Variants in ANK2 observed in about 807,000 individuals in gnomAD.
ANK2 encodes ankyrin 2, also known as ankyrin-2.
In ANK2, 83 loss-of-function variants were observed where a neutral mutation model predicts 360.5. That is an observed-to-expected ratio of 0.23 (90% CI 0.19 to 0.28). ANK2 has a LOEUF of 0.28. Ranked by LOEUF, ANK2 falls within the 10% of genes least tolerant of loss-of-function variation. The pLI, the probability that ANK2 is intolerant of heterozygous loss-of-function variation, is 1.00. For synonymous variants in ANK2, 1,740 were observed against 1,759.5 expected, an observed-to-expected ratio of 0.99 and a Z score of 0.28; for missense variants, 4,201 against 4,795.7, an observed-to-expected ratio of 0.88 and a Z score of 3.66.
rs1298037479 is a variant in ANK2 at position 112,876,509 on chromosome 4, G to C, written c.-39-27946G>C. Among the ~76,000 whole-genome samples the C allele has an allele frequency of 2.6e-5, 4 of 152,246 alleles. No individual in the cohort carries two copies. The East Asian group carries it at 5.8e-4, about 22-fold the overall frequency. On this transcript the variant is annotated intron_variant, in intron 1 of 30. Coordinates refer to the ANK2 transcript ENST00000503271. ...AAAAAAGAAGTATGTGTGGAATGTAGGGCACAGGTATAGGCTCTAACTTTG... is the reference window on the plus strand; with the variant it reads ...AAAAAAGAAGTATGTGTGGAATGTACGGCACAGGTATAGGCTCTAACTTTG...
At chr4:113,197,033 T>A (rs1367748517) in intron 3 of ANK2, among the ~76,000 whole-genome samples, 1 of 152,250 alleles carries the variant, frequency 6.6e-6, no homozygotes, top group Non-Finnish European at 1.5e-5. Context: ...GAGATTAACA[T>A]AATCCTTTGT....
chr4:113,154,374 T>A (rs1220694425), intron 1 of ANK2, among the ~76,000 whole-genome samples: 1 of 152,208 alleles, frequency 6.6e-6, no homozygotes, highest in Non-Finnish European at 1.5e-5. Context: ...GTCCCCAAAT[T>A]TTTGAAAAGT....
chr4:112,966,899 A>C (rs1383999264), intron 2 of ANK2, among the ~76,000 whole-genome samples: 1 of 152,152 alleles, frequency 6.6e-6, no homozygotes, highest in East Asian at 1.9e-4. Flanking sequence ...TTTCAGCTTG[A>C]GCGAGCACTG....
chr4:112,991,094 T>C (rs1332658993), intron 2 of ANK2, among the ~76,000 whole-genome samples: 1 of 151,812 alleles, frequency 6.6e-6, no homozygotes, highest in Non-Finnish European at 1.5e-5. Context: ...TACTAAAAAA[T>C]ACAAAAATTA....
intron 2 of ANK2, among the ~76,000 whole-genome samples, chr4:113,005,797 T>TGTCTTG (rs2052633231): frequency 6.6e-6 from 1 of 152,164 alleles, no homozygotes; most frequent in Admixed American, 6.6e-5. Flanking sequence ...CTCTCATGAA[T>TGTCTTG]GTCTTGGTGC....
At chr4:112,920,435 A>G (rs557198258) in intron 2 of ANK2, among the ~76,000 whole-genome samples, 1 of 152,328 alleles carries the variant, frequency 6.6e-6, no homozygotes, top group South Asian at 2.1e-4. Flanking sequence ...GTTAGGAAAT[A>G]ATAAATGTTT....
At chr4:112,958,148 C>G (rs1015931569) in intron 2 of ANK2, among the ~76,000 whole-genome samples, 1 of 145,972 alleles carries the variant, frequency 6.9e-6, no homozygotes, top group African/African-American at 2.6e-5. Context: ...ACGTCCCAGA[C>G]GATGGGCGGC....
At chr4:112,776,860 A>G in the ANK2 span, among the ~76,000 whole-genome samples, 1 of 152,028 alleles carries the variant, frequency 6.6e-6, no homozygotes, top group African/African-American at 2.4e-5. Flanking sequence ...AATCCCTCTC[A>G]CTCTGTTTCA....
chr4:113,222,669 A>G (rs1016618663), intron 4 of ANK2, among the ~76,000 whole-genome samples: 1 of 152,140 alleles, frequency 6.6e-6, no homozygotes, highest in Non-Finnish European at 1.5e-5. Flanking sequence ...TCTCATTCGT[A>G]AAAGGAGCCT....
chr4:113,249,124 A>G (rs1188126867), intron 9 of ANK2, among the ~76,000 whole-genome samples: 2 of 152,208 alleles, frequency 1.3e-5, no homozygotes, highest in African/African-American at 2.4e-5. Context: ...TTAGGGTTCT[A>G]TTTATTAATA....
chr4:112,714,384 TG>T, the ANK2 span, among the ~76,000 whole-genome samples: 1 of 152,194 alleles, frequency 6.6e-6, no homozygotes, highest in Non-Finnish European at 1.5e-5. Flanking sequence ...GGTTTTGTCA[TG>T]TTGGCCAGGC....
At chr4:112,774,147 G>GT in the ANK2 span, among the ~76,000 whole-genome samples, 2 of 151,944 alleles carry the variant, frequency 1.3e-5, no homozygotes, top group Non-Finnish European at 2.9e-5. Flanking sequence ...CTTTACTGTG[G>GT]TAAGTGGTGT....
At chr4:113,278,036 C>G in intron 16 of ANK2, 101 bp downstream of exon 16, 1 of 1,145,236 alleles carries the variant, frequency 8.7e-7, no homozygotes, top group Non-Finnish European at 1.3e-6. Flanking sequence ...AATGTGAGAG[C>G]AACTGATGAA....
At chr4:112,837,732 T>C (rs2061304512) in intron 1 of ANK2, among the ~76,000 whole-genome samples, 1 of 152,238 alleles carries the variant, frequency 6.6e-6, no homozygotes, top group South Asian at 2.1e-4. Context: ...AATGACCACC[T>C]GGCTGGGTTT....
the ANK2 span, among the ~76,000 whole-genome samples, chr4:112,751,810 G>C: frequency 6.6e-6 from 1 of 152,126 alleles, no homozygotes; most frequent in Admixed American, 6.5e-5. Flanking sequence ...CTTAAGAAGT[G>C]GGGGAAAATT....
At chr4:113,298,915 A>G (rs2153778772) in intron 22 of ANK2, among the ~76,000 whole-genome samples, 1 of 152,340 alleles carries the variant, frequency 6.6e-6, no homozygotes, top group Admixed American at 6.5e-5. Flanking sequence ...TACATTATAC[A>G]TATGTAGGAC....
chr4:112,833,399 T>C (rs2149705886), intron 1 of ANK2, among the ~76,000 whole-genome samples: 1 of 152,292 alleles, frequency 6.6e-6, no homozygotes, highest in African/African-American at 2.4e-5. Context: ...AAAATTAGAG[T>C]AGTTTAAGCA....
intron 14 of ANK2, among the ~76,000 whole-genome samples, chr4:113,267,818 T>A (rs1403098753): frequency 6.6e-6 from 1 of 152,220 alleles, no homozygotes; most frequent in African/African-American, 2.4e-5. Flanking sequence ...GGGATAGCAT[T>A]GAATCTATAA....
intron 1 of ANK2, among the ~76,000 whole-genome samples, chr4:113,156,060 T>C (rs2097276772): frequency 6.6e-6 from 1 of 152,214 alleles, no homozygotes. Flanking sequence ...AATTCACTTT[T>C]AGGAATTTAA....
Sources: allele counts gnomAD v4.1 joint callset (sites outside exome capture counted in the v4.1 genomes callset), GRCh38; gene constraint gnomAD v4.1.1; transcripts MANE v1.5; gene names NCBI Gene and HGNC (gene_info 2026-07-23, HGNC 2026-07-21).